GPR158: variants seen among roughly 807,000 people sequenced by gnomAD.
GPR158 encodes metabotropic glycine receptor.
Under a neutral mutation model 78.2 loss-of-function variants are expected in GPR158, and 30 were observed. The ratio of observed to expected loss-of-function variants is 0.38; its 90% CI spans 0.29 to 0.52. The LOEUF is 0.52. Ranked by LOEUF, GPR158 falls within the 20% of genes least tolerant of loss-of-function variation. The probability of loss-of-function intolerance (pLI) is 0.83; values close to 1 mark genes in which losing one functional copy is unlikely to be tolerated. For missense variants in GPR158, 1,463 were observed against 1,523.5 expected, an observed-to-expected ratio of 0.96 and a Z score of 0.66; for synonymous variants, 581 against 591.1, an observed-to-expected ratio of 0.98 and a Z score of 0.25.
At chr10:25,403,565 G>A (rs1257754215) in intron 3 of GPR158, among the ~76,000 whole-genome samples, 2 of 151,964 alleles carry the variant, frequency 1.3e-5, no homozygotes, top group Non-Finnish European at 2.9e-5. Context: ...TTTCAGCAAG[G>A]CAGATTGGCA....
intron 5 of GPR158, among the ~76,000 whole-genome samples, chr10:25,513,014 T>C (rs924935502): frequency 6.6e-6 from 1 of 152,082 alleles, no homozygotes; most frequent in Non-Finnish European, 1.5e-5. Context: ...TGCTATTTCC[T>C]GGTTTTGGAA....
intron 4 of GPR158, among the ~76,000 whole-genome samples, chr10:25,428,194 A>G (rs114311240): frequency 8.5e-5 from 13 of 152,172 alleles, no homozygotes; most frequent in African/African-American, 2.6e-4. Flanking sequence ...TTGTTTTTCT[A>G]TTGAACAGTA....
At chr10:25,428,362 CT>C (rs1834851648) in intron 4 of GPR158, among the ~76,000 whole-genome samples, 1 of 151,990 alleles carries the variant, frequency 6.6e-6, no homozygotes, top group Non-Finnish European at 1.5e-5. Flanking sequence ...TTCTTTGACT[CT>C]TTGAATCTAG....
chr10:25,542,741 T>C (rs1836603836), intron 5 of GPR158, among the ~76,000 whole-genome samples: 1 of 148,132 alleles, frequency 6.8e-6, no homozygotes, highest in African/African-American at 2.6e-5. Flanking sequence ...GGAGAATCGC[T>C]TGAACCCTGG....
rs927113932 is a variant in GPR158 at position 25,385,572 on chromosome 10, T to C, written c.1009-10339T>C. ...TTTCCATAGTGGCTACACCATTTCA[T>C]GTTTTCACCAACAGTGCACAAGGGT... On this transcript the variant is annotated intron_variant, in intron 2 of 10. Transcript: ENST00000376351. Among the ~76,000 whole-genome samples the C allele has an allele frequency of 4.6e-5, 7 of 152,262 alleles. No homozygotes were observed. The East Asian group carries it at 1.2e-3, about 25-fold the overall frequency.
At chr10:25,526,103 TAAAAAAAAAAAAAAAA>T (rs4017850) in intron 5 of GPR158, among the ~76,000 whole-genome samples, 1 of 69,174 alleles carries the variant, frequency 1.4e-5, no homozygotes, top group Non-Finnish European at 2.8e-5. Flanking sequence ...CAATTTTGTC[TAAAAAAAAAAAAAAAA>T]AAAAAAAAAA....
intron 4 of GPR158, among the ~76,000 whole-genome samples, chr10:25,452,036 G>GGTTTT (rs1564459384): frequency 1.3e-5 from 2 of 151,720 alleles, no homozygotes; most frequent in African/African-American, 2.4e-5. Flanking sequence ...GGTTTGGTTT[G>GGTTTT]GTTTTTGTTT....
rs1370386851 is a variant in GPR158, at chr10:25,175,956, G to A, written c.536G>A (p.Ser179Asn). 1.2e-6 allele frequency: 2 copies of A among 1,613,340 alleles called. No homozygotes were observed. The highest frequency in any genetic ancestry group is 1.7e-6 in the Non-Finnish European group (2 of 1,179,980). The change falls in exon 1 of 11, where the codon AGC (serine) becomes AAC (asparagine). Residue 179 changes from serine (S) to asparagine (N), a missense_variant. Coordinates refer to ENST00000376351, the MANE Select transcript of GPR158 (RefSeq NM_020752.3). This position sits in a 1 kb window ranked among gnomAD's most constrained non-coding sequence, Gnocchi z 6.4. ...PSISRAAITF[S>N]TDSLSAPAPQ... Reference sequence around the variant, plus strand: ...ATCTCCCGGGCGGCCATCACCTTCAGCACCGATTCGCTGTCCGCACCGGCC... The same window carrying A: ...ATCTCCCGGGCGGCCATCACCTTCAACACCGATTCGCTGTCCGCACCGGCC...
chr10:25,200,851 T>C (rs1852914012), intron 1 of GPR158, among the ~76,000 whole-genome samples: 1 of 149,540 alleles, frequency 6.7e-6, no homozygotes, highest in South Asian at 2.1e-4. Flanking sequence ...TAGATCTATG[T>C]ATCTGTTTTT....
chr10:25,471,583 A>G (rs902426767), intron 5 of GPR158, among the ~76,000 whole-genome samples: 12 of 152,178 alleles, frequency 7.9e-5, no homozygotes, highest in African/African-American at 2.4e-4. Flanking sequence ...CACCAATAGT[A>G]TAAAAGTGTT....
At chr10:25,541,874 C>T (rs1355254774) in intron 5 of GPR158, among the ~76,000 whole-genome samples, 1 of 148,816 alleles carries the variant, frequency 6.7e-6, no homozygotes, top group Non-Finnish European at 1.5e-5. Context: ...TGGGGATGAG[C>T]AACTCTGGAA....
chr10:25,420,066 C>T (rs768335592), intron 4 of GPR158, among the ~76,000 whole-genome samples: 1 of 152,092 alleles, frequency 6.6e-6, no homozygotes, highest in African/African-American at 2.4e-5. Flanking sequence ...TAATCTCTTA[C>T]TAGATATATG....
At position 25,551,042 on chromosome 10, in the gene GPR158, G is replaced by A; in HGVS notation, c.1471G>A (p.Gly491Ser). The A allele has an allele frequency of 3.1e-6, 5 of 1,609,846 alleles. No individual in the cohort carries two copies. Among genetic ancestry groups the A allele is most frequent in the Non-Finnish European group, 2.6e-6 (3 of 1,176,336 alleles). The change falls in exon 6 of 11, where the codon GGT (glycine) becomes AGT (serine). Residue 491 changes from glycine (G) to serine (S), a missense_variant. Physicochemically the swap from Gly to Ser is moderately conservative, Grantham distance 56. Transcript: ENST00000376351. The stretch of plus-strand genomic sequence containing the variant: ...TCTCCTAAGATGGGCTCGTCTTCTC[G>A]GTTTTGCTACTGTTTACGGAACTGT... ...CILLRWARLL[G>S]FATVYGTVTL...
At chr10:25,410,361 T>TA (rs1329906334) in intron 3 of GPR158, among the ~76,000 whole-genome samples, 1 of 152,130 alleles carries the variant, frequency 6.6e-6, no homozygotes, top group East Asian at 1.9e-4. Context: ...CTCACACCTG[T>TA]AATCCCAGCA....
chr10:25,187,831 G>C (rs1266514268), intron 1 of GPR158, among the ~76,000 whole-genome samples: 1 of 152,154 alleles, frequency 6.6e-6, no homozygotes, highest in Non-Finnish European at 1.5e-5. Context: ...TAGGAAAAGA[G>C]GAAGTCAAAT....
chr10:25,276,890 G>A (rs1854190583), intron 2 of GPR158, among the ~76,000 whole-genome samples: 2 of 151,930 alleles, frequency 1.3e-5, no homozygotes, highest in Admixed American at 6.6e-5. Context: ...AACAGTGAAA[G>A]TTAGATCCTA....
chr10:25,381,176 A>G (rs1834149345), intron 2 of GPR158, among the ~76,000 whole-genome samples: 1 of 152,222 alleles, frequency 6.6e-6, no homozygotes, highest in Non-Finnish European at 1.5e-5. Context: ...TTCATGAAAG[A>G]GGGAATGGTC....
At chr10:25,574,691 C>T (rs143892378) in intron 7 of GPR158, among the ~76,000 whole-genome samples, 2,646 of 152,162 alleles carry the variant, frequency 0.017, 58 homozygotes, top group African/African-American at 0.054. Flanking sequence ...TTGAGACCAG[C>T]CTGACCAACA....
At chr10:25,288,984 G>A (rs1183835622) in intron 2 of GPR158, among the ~76,000 whole-genome samples, 2 of 152,130 alleles carry the variant, frequency 1.3e-5, no homozygotes, top group African/African-American at 4.8e-5. Context: ...TTCCATGATG[G>A]TTACATACAC....
Sources: allele counts gnomAD v4.1 joint callset (sites outside exome capture counted in the v4.1 genomes callset), GRCh38; gene constraint gnomAD v4.1.1; non-coding constraint Gnocchi (gnomAD v3.1); transcripts MANE v1.5; gene names NCBI Gene and HGNC (gene_info 2026-07-23, HGNC 2026-07-21).